Variants in ABR observed in about 807,000 individuals in gnomAD.
The protein encoded by ABR is ABR activator of RhoGEF and GTPase, also known as active breakpoint cluster region-related protein.
A neutral mutation model predicts 107.2 loss-of-function variants in ABR; 35 were observed. That is an observed-to-expected ratio of 0.33 (90% CI 0.25 to 0.43). ABR has a LOEUF of 0.43. ABR is among the 20% of genes least tolerant of loss of function. The pLI is 1.00. For missense variants in ABR, 815 were observed against 1,115.2 expected (o/e 0.73, Z 3.83); for synonymous variants, 498 against 462.0 (o/e 1.08, Z -1.00).
exon 1 of ABR, among the ~76,000 whole-genome samples, chr17:1,229,355 G>A (rs1230003517): frequency 6.7e-6 from 1 of 148,492 alleles, no homozygotes. Flanking sequence ...CGGCCTCGGG[G>A]TCGGGGCGCC....
chr17:1,098,886 A>C (rs1274164522), intron 3 of ABR, among the ~76,000 whole-genome samples: 1 of 152,122 alleles, frequency 6.6e-6, no homozygotes, highest in Non-Finnish European at 1.5e-5. Flanking sequence ...CCCGGGTTCA[A>C]GCGATTCTCC....
chr17:1,018,135 C>G (rs1019512777), intron 16 of ABR, among the ~76,000 whole-genome samples: 22 of 152,034 alleles, frequency 1.4e-4, no homozygotes, highest in African/African-American at 4.8e-4. Context: ...CTCCGCCTCC[C>G]GGGTTCACGC....
chr17:1,034,313 G>A (rs965949415), intron 16 of ABR, among the ~76,000 whole-genome samples: 2 of 152,140 alleles, frequency 1.3e-5, no homozygotes, highest in Non-Finnish European at 2.9e-5. Context: ...ACCCTGGGGT[G>A]GGGGTTAAGG....
At chr17:1,165,954 CA>C in intron 1 of ABR, among the ~76,000 whole-genome samples, 1 of 152,014 alleles carries the variant, frequency 6.6e-6, no homozygotes, top group Admixed American at 6.6e-5. Context: ...CCCCAGAGCC[CA>C]CGCAGATGAC....
chr17:1,229,191 G>T (rs1341828050), exon 1 of ABR, among the ~76,000 whole-genome samples: 2 of 151,490 alleles, frequency 1.3e-5, no homozygotes, highest in African/African-American at 4.8e-5. Flanking sequence ...GCCGGGAGCC[G>T]CCTGGGGGTC....
intron 1 of ABR, among the ~76,000 whole-genome samples, chr17:1,223,841 T>C (rs1030034369): frequency 1.3e-5 from 2 of 152,138 alleles, no homozygotes; most frequent in Non-Finnish European, 2.9e-5. Flanking sequence ...ACTCCCCTCG[T>C]GATCAGGACA....
intron 1 of ABR, among the ~76,000 whole-genome samples, chr17:1,204,895 CTTT>C: frequency 1.4e-5 from 1 of 70,332 alleles, no homozygotes; most frequent in East Asian, 5.8e-4. Context: ...TTTTCTTTTT[CTTT>C]TTCTTTTTTT....
At chr17:1,101,775 C>A (rs577999246) in intron 2 of ABR, among the ~76,000 whole-genome samples, 1 of 151,508 alleles carries the variant, frequency 6.6e-6, no homozygotes, top group African/African-American at 2.4e-5. Context: ...GCTCTGTCGC[C>A]CAGGCTAGAG....
intron 1 of ABR, among the ~76,000 whole-genome samples, chr17:1,208,497 A>C (rs1393545451): frequency 6.6e-6 from 1 of 152,180 alleles, no homozygotes; most frequent in Non-Finnish European, 1.5e-5. Context: ...GTGGCAGAGA[A>C]GTCCTTGCTA....
chr17:1,113,868 G>A (rs890342314), intron 2 of ABR, among the ~76,000 whole-genome samples: 7 of 152,126 alleles, frequency 4.6e-5, no homozygotes, highest in South Asian at 2.1e-4. Flanking sequence ...TTGTGTCCAC[G>A]AATAAACTAT....
chr17:1,021,526 C>T (rs2071632015), intron 16 of ABR, among the ~76,000 whole-genome samples: 1 of 152,260 alleles, frequency 6.6e-6, no homozygotes, highest in South Asian at 2.1e-4. Context: ...GCTTCTTCAG[C>T]CAGGTGCGGT....
chr17:1,123,556 C>A (rs1482510522), intron 2 of ABR, among the ~76,000 whole-genome samples: 6 of 152,206 alleles, frequency 3.9e-5, no homozygotes, highest in African/African-American at 7.2e-5. Context: ...GGTCACGCGA[C>A]AAGGACAGGG....
chr17:1,226,652 G>T (rs1413649406), intron 1 of ABR, among the ~76,000 whole-genome samples: 2 of 151,698 alleles, frequency 1.3e-5, no homozygotes, highest in Admixed American at 6.6e-5. Context: ...GTGTGAATGT[G>T]TGCATGTATG....
chr17:1,201,244 T>C (rs1042452256), intron 1 of ABR, among the ~76,000 whole-genome samples: 1 of 152,076 alleles, frequency 6.6e-6, no homozygotes, highest in Admixed American at 6.5e-5. Context: ...TAGGTCAGGA[T>C]GTGGGTTCTA....
chr17:1,086,343 G>A (rs987032053), intron 4 of ABR, among the ~76,000 whole-genome samples: 15 of 152,036 alleles, frequency 9.9e-5, no homozygotes, highest in Non-Finnish European at 1.5e-4. Context: ...GGGGGAAGCC[G>A]CGCACACAGC....
intron 16 of ABR, among the ~76,000 whole-genome samples, chr17:1,028,134 A>G (rs1233223186): frequency 2.0e-5 from 3 of 152,074 alleles, no homozygotes; most frequent in Admixed American, 6.6e-5. Flanking sequence ...TCTGTTGCCC[A>G]GGCTGGAGTG....
intron 2 of ABR, among the ~76,000 whole-genome samples, chr17:1,112,713 G>T (rs1260895549): frequency 6.6e-6 from 1 of 152,154 alleles, no homozygotes; most frequent in Non-Finnish European, 1.5e-5. Flanking sequence ...ACAGCATCAT[G>T]GAGGGTGAGG....
chr17:1,076,714 C>CGGGGGGG (rs376868048), intron 6 of ABR, among the ~76,000 whole-genome samples: 15 of 42,164 alleles, frequency 3.6e-4, no homozygotes, highest in African/African-American at 1.7e-3. Flanking sequence ...GGCAGGTGCA[C>CGGGGGGG]GGGGGGGGTG....
intron 1 of ABR, among the ~76,000 whole-genome samples, chr17:1,199,966 C>T (rs545478191): frequency 2.7e-5 from 4 of 149,998 alleles, no homozygotes; most frequent in Non-Finnish European, 5.9e-5. Flanking sequence ...GGTACATGTG[C>T]ACAACGTGCA....
Sources: gnomAD v4.1 joint callset for allele counts (sites outside exome capture counted in the v4.1 genomes callset) on GRCh38, gnomAD v4.1.1 for gene constraint, MANE v1.5 for transcripts, NCBI Gene and HGNC (gene_info 2026-07-23, HGNC 2026-07-21) for gene names.